The following RBFOX1 variants were observed in gnomAD, a reference collection of about 807,000 sequenced individuals.
The protein encoded by RBFOX1 is RNA binding protein fox-1 homolog 1.
RBFOX1 carries 8 observed loss-of-function variants against 57.7 expected under a neutral mutation model. The observed-to-expected ratio is 0.14, with a 90% CI of 0.08 to 0.25. The LOEUF (loss-of-function observed/expected upper bound fraction) is 0.25. Ranked by LOEUF, RBFOX1 falls within the 10% of genes least tolerant of loss-of-function variation. RBFOX1 has a pLI of 1.00. For synonymous variants in RBFOX1, 326 were observed against 222.4 expected, an observed-to-expected ratio of 1.47 and a Z score of -4.15; for missense variants, 611 against 548.5, an observed-to-expected ratio of 1.11 and a Z score of -1.14.
intron 1 of RBFOX1, among the ~76,000 whole-genome samples, chr16:6,213,335 A>G (rs1003769803): frequency 3.3e-5 from 5 of 152,052 alleles, no homozygotes; most frequent in African/African-American, 1.2e-4. Flanking sequence ...ACTTTCTCTT[A>G]GGAAAGGCAC....
chr16:6,455,848 A>G (rs1459701236), intron 2 of RBFOX1, among the ~76,000 whole-genome samples: 2 of 152,212 alleles, frequency 1.3e-5, no homozygotes, highest in Non-Finnish European at 2.9e-5. Context: ...ATAAACCATG[A>G]GATTATTAAA....
At chr16:6,113,574 T>C (rs2096467561) in intron 1 of RBFOX1, among the ~76,000 whole-genome samples, 1 of 152,066 alleles carries the variant, frequency 6.6e-6, no homozygotes, top group Admixed American at 6.6e-5. Context: ...AAGGCAGAAA[T>C]TGCCTGTCTC....
Position 7,506,184 on chromosome 16 carries a change from C to CAAAAA in RBFOX1, c.28-11934_28-11930dup, listed in dbSNP as rs552568132. Among the ~76,000 whole-genome samples the CAAAAA allele has an allele frequency of 4.6e-3, 232 of 49,930 alleles. 12 individuals are homozygous for CAAAAA. The highest frequency in any genetic ancestry group is 0.016 in the African/African-American group (212 of 13,592). 32.8% of individuals were successfully genotyped at this position (49,930 alleles called of 152,430 possible). ...TGGGTGACAGAGCAAGACTCTGTCT[C>CAAAAA]AAAAAAAAAAAAAAAAAAAAAAAAA... On this transcript the variant is annotated intron_variant, in intron 4 of 15. Transcript: ENST00000550418.
At chr16:6,195,162 G>A (rs1335738227) in intron 1 of RBFOX1, among the ~76,000 whole-genome samples, 7 of 152,126 alleles carry the variant, frequency 4.6e-5, no homozygotes, top group Admixed American at 3.9e-4. Context: ...TTAATCATAC[G>A]ACATATTTTC....
intron 2 of RBFOX1, among the ~76,000 whole-genome samples, chr16:6,542,051 C>A (rs934025865): frequency 6.6e-6 from 1 of 151,928 alleles, no homozygotes; most frequent in African/African-American, 2.4e-5. Context: ...ATCTCAGCCT[C>A]CCGAGTAGCT....
In RBFOX1 at chr16:5,911,595, C is replaced by T. The variant is rs190409045; in HGVS notation, c.351+44260C>T. 2.5e-3 allele frequency among the ~76,000 whole-genome samples: 386 copies of T among 152,266 alleles called. 2 individuals are homozygous for T. The highest frequency in any genetic ancestry group is 9.0e-3 in the African/African-American group (373 of 41,552). On this transcript the variant is annotated intron_variant, in intron 4 of 19. Coordinates refer to the RBFOX1 transcript ENST00000641259. The stretch of plus-strand genomic sequence containing the variant: ...CATTTCTAGCTTCTGACGGGGGGTG[C>T]GGAGGCATTGTTTTACTCTGTTTGG...
intron 2 of RBFOX1, among the ~76,000 whole-genome samples, chr16:6,330,826 G>C (rs536278588): frequency 3.3e-5 from 5 of 152,326 alleles, no homozygotes; most frequent in Non-Finnish European, 7.4e-5. Flanking sequence ...TAATGTAGGT[G>C]ATCAAGGAAG....
At chr16:5,775,975 C>T (rs2054134027) in intron 3 of RBFOX1, among the ~76,000 whole-genome samples, 1 of 152,154 alleles carries the variant, frequency 6.6e-6, no homozygotes, top group Non-Finnish European at 1.5e-5. Flanking sequence ...CCAGGATGAG[C>T]GATGAGCTCT....
chr16:7,299,599 A>C (rs1257029433), intron 4 of RBFOX1, among the ~76,000 whole-genome samples: 1 of 152,214 alleles, frequency 6.6e-6, no homozygotes, highest in African/African-American at 2.4e-5. Flanking sequence ...GCACTGCCAA[A>C]ATCCTGGACC....
intron 14 of RBFOX1, among the ~76,000 whole-genome samples, chr16:7,705,255 C>G (rs926199292): frequency 6.6e-6 from 1 of 152,062 alleles, no homozygotes; most frequent in Non-Finnish European, 1.5e-5. Flanking sequence ...GCGTGTAATC[C>G]CAGCACTTTG....
chr16:7,573,803 C>G (rs1397159161), intron 5 of RBFOX1, among the ~76,000 whole-genome samples: 5 of 151,040 alleles, frequency 3.3e-5, no homozygotes, highest in Non-Finnish European at 5.9e-5. Context: ...CCACTAGACT[C>G]CAGCCTGGGC....
chr16:5,357,479 A>G (rs933279505), intron 1 of RBFOX1, among the ~76,000 whole-genome samples: 1 of 152,242 alleles, frequency 6.6e-6, no homozygotes, highest in Non-Finnish European at 1.5e-5. Context: ...CACAGGGAAG[A>G]GCCACACAGA....
At chr16:6,915,322 T>TG (rs1039174539) in intron 3 of RBFOX1, among the ~76,000 whole-genome samples, 2 of 152,286 alleles carry the variant, frequency 1.3e-5, no homozygotes, top group African/African-American at 4.8e-5. Flanking sequence ...GGGAGCTAAC[T>TG]GCGGTTCCTT....
At chr16:5,766,336 C>G (rs948244484) in intron 3 of RBFOX1, among the ~76,000 whole-genome samples, 1 of 152,102 alleles carries the variant, frequency 6.6e-6, no homozygotes, top group Admixed American at 6.5e-5. Context: ...CCTGTAATCA[C>G]AGCGCTTTGG....
At chr16:5,301,634 A>AC (rs1184580159) in intron 1 of RBFOX1, among the ~76,000 whole-genome samples, 4,485 of 150,360 alleles carry the variant, frequency 0.03, 226 homozygotes, top group African/African-American at 0.1. Flanking sequence ...AAAAAAAAAA[A>AC]AAAACACACA....
rs545890627 is a variant in RBFOX1 at position 5,980,319 on chromosome 16, C to T, written c.351+112984C>T. Among the ~76,000 whole-genome samples, 6 of 152,274 alleles carry T rather than the reference C, an allele frequency of 3.9e-5. No homozygotes were observed. In the South Asian group the frequency reaches 1.0e-3, roughly 26 times the overall value. On this transcript the variant is annotated intron_variant, in intron 4 of 19. Coordinates refer to the RBFOX1 transcript ENST00000641259. ...CACAGCTTGCAGAGAGAGCAGGGGG[C>T]GGCAGAACGGTATAGATGGTAATGA...
intron 4 of RBFOX1, among the ~76,000 whole-genome samples, chr16:7,300,465 T>G (rs2096005661): frequency 6.6e-6 from 1 of 152,214 alleles, no homozygotes. Flanking sequence ...CCACATTAAA[T>G]TTGGAAGTGA....
At position 6,218,291 on chromosome 16, in the gene RBFOX1, T is replaced by G. The variant is rs1348418787; in HGVS notation, c.-126-98704T>G. 3.9e-5 allele frequency among the ~76,000 whole-genome samples: 6 copies of G among 152,026 alleles called. No individual in the cohort carries two copies. In the East Asian group the frequency reaches 9.7e-4, roughly 25 times the overall value. On this transcript the variant is annotated intron_variant, in intron 1 of 15. Transcript: ENST00000550418. ...TAGTGAAGTCTTTTTATTTATTTATTTATTTATTTATTTACTTATTTATTT... is the reference window on the plus strand; with the variant it reads ...TAGTGAAGTCTTTTTATTTATTTATGTATTTATTTATTTACTTATTTATTT...
intron 3 of RBFOX1, among the ~76,000 whole-genome samples, chr16:7,047,136 C>G (rs114526687): frequency 6.6e-6 from 1 of 150,850 alleles, no homozygotes. Flanking sequence ...ATATGTTTAC[C>G]ATTTCCATTT....
Sources: gnomAD v4.1 joint callset for allele counts (sites outside exome capture counted in the v4.1 genomes callset) on GRCh38, gnomAD v4.1.1 for gene constraint, MANE v1.5 for transcripts, NCBI Gene and HGNC (gene_info 2026-07-23, HGNC 2026-07-21) for gene names.